WASHC5: variants seen among roughly 807,000 people sequenced by gnomAD.
The protein encoded by WASHC5 is WASH complex subunit strumpellin.
WASHC5 carries 101 observed loss-of-function variants against 150.4 expected under a neutral mutation model. The ratio of observed to expected loss-of-function variants is 0.67; its 90% confidence interval spans 0.57 to 0.79. WASHC5 has a LOEUF of 0.79. Ranked by LOEUF, WASHC5 falls within the 30% of genes least tolerant of loss-of-function variation. WASHC5 has a pLI of 0.00. For synonymous variants in WASHC5, 467 were observed against 491.2 expected, an observed-to-expected ratio of 0.95 and a Z score of 0.65; for missense variants, 1,195 against 1,396.3, an observed-to-expected ratio of 0.86 and a Z score of 2.30.
chr8:125,049,461 G>A (rs1816173601), intron 18 of WASHC5, among the ~76,000 whole-genome samples: 1 of 152,100 alleles, frequency 6.6e-6, no homozygotes, highest in East Asian at 1.9e-4. Context: ...GGGAGGCTGA[G>A]GCAGGGAACT....
At position 125,083,061 on chromosome 8, in the gene WASHC5, T is replaced by C. The variant is rs896071156; in HGVS notation, c.332+52A>G. On this transcript the variant is annotated intron_variant, in intron 3 of 28. Coordinates refer to ENST00000318410, the MANE Select transcript of WASHC5 (RefSeq NM_014846.4). ...ATTTACACGTTGCTATGTGTCCTTTTCCCTCTCCACTATTTACTACCAGAA... is the reference window on the plus strand; with the variant it reads ...ATTTACACGTTGCTATGTGTCCTTTCCCCTCTCCACTATTTACTACCAGAA... The C allele has an allele frequency of 5.8e-6, 7 of 1,214,116 alleles. No individual in the cohort carries two copies. In the African/African-American group the frequency reaches 9.0e-5, roughly 16 times the overall value. The allele number at this position is 1,214,116 out of a possible 1,614,324, so 75.2% of individuals were successfully genotyped here. A position where few individuals can be genotyped will look rare whatever the true frequency, so the allele number is the denominator to read the frequency against.
intron 9 of WASHC5, among the ~76,000 whole-genome samples, chr8:125,072,701 C>T (rs1156319488): frequency 6.6e-6 from 1 of 152,128 alleles, no homozygotes; most frequent in Non-Finnish European, 1.5e-5. Context: ...ACTGAGTCCA[C>T]TGGGATAATC....
chr8:125,064,381 ATTTAT>A (rs1344325822), intron 10 of WASHC5, among the ~76,000 whole-genome samples: 2 of 111,060 alleles, frequency 1.8e-5, no homozygotes, highest in African/African-American at 4.8e-5. Flanking sequence ...TTTCTTATTT[ATTTAT>A]TTTTTTTTTT....
At chr8:125,082,573 G>C (rs1817295496) in intron 3 of WASHC5, 106 bp from the exon 4 acceptor site, 2 of 723,548 alleles carry the variant, frequency 2.8e-6, no homozygotes, top group Admixed American at 2.2e-5. Context: ...AGGCATTCTG[G>C]CCTTCCACTA....
chr8:125,083,865 C>T lies in WASHC5; in HGVS notation c.34G>A (p.Gly12Ser). 6.2e-7 allele frequency: 1 copy of T among 1,613,968 alleles called. No individual in the cohort carries two copies. Among genetic ancestry groups the T allele is most frequent in the Non-Finnish European group, 8.5e-7 (1 of 1,179,954 alleles). Residue 12 changes from glycine to serine, a missense_variant, in exon 2 of 29, where the codon GGC becomes AGC. Transcript: ENST00000318410. ...GAAACAATCCTTAGGATTGCTTGGCCACAGAGGTTGTTCTCGGCTAGAAAG... is the reference window on the plus strand; with the variant it reads ...GAAACAATCCTTAGGATTGCTTGGCTACAGAGGTTGTTCTCGGCTAGAAAG... ...LDFLAENNLC[G>S]QAILRIVSCG...
intron 11 of WASHC5, among the ~76,000 whole-genome samples, chr8:125,061,793 C>T (rs1816603068): frequency 6.6e-6 from 1 of 152,170 alleles, no homozygotes; most frequent in Admixed American, 6.5e-5. Flanking sequence ...TCTGATTACC[C>T]TCAGTGTGTC....
chr8:125,085,840 G>T (rs1164921533), intron 1 of WASHC5, among the ~76,000 whole-genome samples: 4 of 152,206 alleles, frequency 2.6e-5, no homozygotes, highest in African/African-American at 7.2e-5. Context: ...GAAAGTTCTT[G>T]AAGTAGGTAA....
Position 125,047,294 on chromosome 8 carries a change from A to G in WASHC5, c.2417T>C (p.Ile806Thr). The change falls in exon 20 of 29, where the codon ATT becomes ACT. Residue 806 changes from isoleucine (I) to threonine (T), a missense_variant. Ile to Thr is a moderately conservative substitution (Grantham distance 89, BLOSUM62 -1). Coordinates refer to ENST00000318410, the MANE Select transcript of WASHC5 (RefSeq NM_014846.4). Reference protein sequence around the residue: ...DWQSMYQSTHIPIPKFTPVDE... With the variant: ...DWQSMYQSTHTPIPKFTPVDE... ...CACAGGGGTAAACTTGGGTATTGGA[A>G]TATGAGTGGACTGGTACATGCTTTG... 1 of 1,614,062 alleles carries G rather than the reference A, an allele frequency of 6.2e-7. No individual in the cohort carries two copies.
chr8:125,031,760 A>G (rs989757219), intron 27 of WASHC5, among the ~76,000 whole-genome samples: 5 of 152,214 alleles, frequency 3.3e-5, no homozygotes, highest in Non-Finnish European at 7.3e-5. Context: ...GGCAGGAATT[A>G]AAGTTTTATA....
chr8:125,050,763 T>C (rs1202747581), intron 17 of WASHC5, 98 bp from the exon 18 acceptor site: 1 of 835,958 alleles, frequency 1.2e-6, no homozygotes, highest in East Asian at 2.5e-5. Flanking sequence ...AGTGGGGCAT[T>C]TTCCTACCTC....
chr8:125,047,126 T>C, intron 20 of WASHC5, 81 bp downstream of exon 20: 1 of 1,544,224 alleles, frequency 6.5e-7, no homozygotes, highest in South Asian at 1.1e-5. Context: ...GTGACTGGAA[T>C]AGGGGCTGTG....
At chr8:125,068,477 G>A (rs1450859982) in intron 9 of WASHC5, among the ~76,000 whole-genome samples, 1 of 152,148 alleles carries the variant, frequency 6.6e-6, no homozygotes, top group Non-Finnish European at 1.5e-5. Flanking sequence ...GGAAGCTTGT[G>A]CCTCATTCCT....
At chr8:125,090,747 AAAG>A (rs1425643202) in intron 1 of WASHC5, among the ~76,000 whole-genome samples, 2 of 152,208 alleles carry the variant, frequency 1.3e-5, no homozygotes, top group Non-Finnish European at 2.9e-5. Flanking sequence ...TCAGAGGACA[AAAG>A]AAGGCAGGTC....
chr8:125,064,708 TAGGAG>T (rs1302687471), intron 10 of WASHC5, among the ~76,000 whole-genome samples: 1 of 152,044 alleles, frequency 6.6e-6, no homozygotes, highest in African/African-American at 2.4e-5. Context: ...ACCGGGCTCT[TAGGAG>T]GTAAACAGGC....
chr8:125,073,243 T>C lies in WASHC5; in HGVS notation c.1060A>G (p.Met354Val), dbSNP rs1011366421. The part of the protein sequence containing the change: ...FLKEGYLREE[M>V]VLDNIPKLLN... ...AGCTTTGGGATATTGTCCAGAACCATCTCCTCCCTTAAATAACCTTCTTTT... is the reference window on the plus strand; with the variant it reads ...AGCTTTGGGATATTGTCCAGAACCACCTCCTCCCTTAAATAACCTTCTTTT... Residue 354 changes from methionine (M) to valine (V), a missense_variant, in exon 9 of 29, where the codon ATG becomes GTG. This residue lies in a region of WASHC5 where 997 missense variants were observed against 1,168.1 expected (regional missense o/e 0.85). Coordinates refer to ENST00000318410, the MANE Select transcript of WASHC5 (RefSeq NM_014846.4). The C allele has an allele frequency of 6.2e-6, 10 of 1,613,954 alleles. No individual in the cohort carries two copies. The highest frequency in any genetic ancestry group is 1.6e-4 in the Middle Eastern group (1 of 6,084).
chr8:125,068,662 C>A (rs1816817985), intron 9 of WASHC5, among the ~76,000 whole-genome samples: 1 of 152,186 alleles, frequency 6.6e-6, no homozygotes, highest in Non-Finnish European at 1.5e-5. Flanking sequence ...GGGTTCCTCA[C>A]ACAAAGATGA....
chr8:125,056,114 C>T (rs1485353511), intron 16 of WASHC5, among the ~76,000 whole-genome samples: 1 of 152,154 alleles, frequency 6.6e-6, no homozygotes, highest in East Asian at 1.9e-4. Flanking sequence ...TAATCTAAGT[C>T]CCTGACATAT....
At chr8:125,033,397 T>C (rs72720510) in intron 26 of WASHC5, among the ~76,000 whole-genome samples, 7,721 of 152,120 alleles carry the variant, frequency 0.051, 279 homozygotes, top group Middle Eastern at 0.082. Context: ...AACTGGATAG[T>C]CTTATGGGGG....
At chr8:125,039,557 C>G (rs1815823283) in intron 24 of WASHC5, among the ~76,000 whole-genome samples, 1 of 152,120 alleles carries the variant, frequency 6.6e-6, no homozygotes, top group Non-Finnish European at 1.5e-5. Flanking sequence ...TGATCAGTAC[C>G]TGTCTGCTGA....
Sources: gnomAD v4.1 joint callset for allele counts (sites outside exome capture counted in the v4.1 genomes callset) on GRCh38, gnomAD v4.1.1 for gene constraint, gnomAD v4.1.1 regional missense constraint, MANE v1.5 for transcripts, NCBI Gene and HGNC (gene_info 2026-07-23, HGNC 2026-07-21) for gene names.